NUDC: variants seen among roughly 807,000 people sequenced by gnomAD.
NUDC encodes nuclear migration protein nudC.
Under a neutral mutation model 45.0 loss-of-function variants are expected in NUDC, and 14 were observed. The observed-to-expected ratio is 0.31, with a 90% CI of 0.21 to 0.49. The LOEUF is 0.49. NUDC is among the 20% of genes least tolerant of loss of function. NUDC has a pLI of 0.99. For synonymous variants in NUDC, 153 were observed against 156.7 expected (o/e 0.98, Z 0.17); for missense variants, 323 against 426.2 (o/e 0.76, Z 2.13).
intron 1 of NUDC, among the ~76,000 whole-genome samples, chr1:26,923,547 T>C (rs768296621): frequency 2.6e-5 from 4 of 152,120 alleles, no homozygotes; most frequent in Non-Finnish European, 5.9e-5. Context: ...CTTGGCTCAC[T>C]GCAACCTCTG....
intron 6 of NUDC, among the ~76,000 whole-genome samples, chr1:26,944,302 G>A (rs749123977): frequency 6.6e-6 from 1 of 152,020 alleles, no homozygotes. Flanking sequence ...TTGACCTCCC[G>A]GGCTCAAACG....
intron 2 of NUDC, among the ~76,000 whole-genome samples, chr1:26,939,183 A>G (rs1570741864): frequency 6.6e-6 from 1 of 152,088 alleles, no homozygotes; most frequent in African/African-American, 2.4e-5. Flanking sequence ...TAGTAGAGAC[A>G]GGGTTTTACC....
At chr1:26,929,854 T>G (rs1477449967) in intron 2 of NUDC, 1 of 177,010 alleles carries the variant, frequency 5.6e-6, no homozygotes, top group Non-Finnish European at 1.2e-5. Context: ...TGAAACCCTG[T>G]CCCTACTAAA....
chr1:26,905,636 G>T (rs554172082), intron 2 of NUDC, among the ~76,000 whole-genome samples: 4 of 150,376 alleles, frequency 2.7e-5, no homozygotes, highest in Admixed American at 1.4e-4. Context: ...TTGCAGCCCC[G>T]AGTTCCCAGT....
At chr1:26,909,466 A>G (rs936676280) in intron 2 of NUDC, among the ~76,000 whole-genome samples, 28 of 152,144 alleles carry the variant, frequency 1.8e-4, no homozygotes, top group Non-Finnish European at 7.3e-5. Flanking sequence ...GGAAAAAATT[A>G]AATAAGTTGA....
intron 2 of NUDC, among the ~76,000 whole-genome samples, chr1:26,904,997 C>T (rs1053912560): frequency 5.4e-5 from 8 of 149,168 alleles, no homozygotes; most frequent in Non-Finnish European, 7.4e-5. Flanking sequence ...CCACCACGCC[C>T]GGCTAATTTT....
At chr1:26,922,099 C>T in intron 1 of NUDC, 170 bp downstream of exon 1, 2 of 693,498 alleles carry the variant, frequency 2.9e-6, no homozygotes, top group East Asian at 2.7e-5. Flanking sequence ...CAGGTCTCAC[C>T]CGGTTCGCAT....
intron 6 of NUDC, among the ~76,000 whole-genome samples, chr1:26,943,963 C>T (rs1234726396): frequency 1.3e-5 from 2 of 151,444 alleles, no homozygotes; most frequent in South Asian, 2.1e-4. Context: ...CTGCGAGCTC[C>T]GCCTCCTGGG....
At chr1:26,938,501 C>T (rs2082252203) in intron 2 of NUDC, among the ~76,000 whole-genome samples, 1 of 152,198 alleles carries the variant, frequency 6.6e-6, no homozygotes, top group South Asian at 2.1e-4. Context: ...ATTGTTTCTA[C>T]TGACAGCAGA....
intron 2 of NUDC, among the ~76,000 whole-genome samples, chr1:26,938,394 C>G (rs578228623): frequency 3.3e-5 from 5 of 152,168 alleles, no homozygotes; most frequent in Non-Finnish European, 7.3e-5. Context: ...CCTTTGGCCA[C>G]TGGTTGGCAA....
At chr1:26,927,015 C>A (rs2082138075) in intron 2 of NUDC, among the ~76,000 whole-genome samples, 1 of 152,078 alleles carries the variant, frequency 6.6e-6, no homozygotes, top group Admixed American at 6.6e-5. Flanking sequence ...TTTCATGGAT[C>A]TCACAGTGTA....
At chr1:26,918,965 A>G (rs537229818), upstream of NUDC, among the ~76,000 whole-genome samples, 56 of 151,722 alleles carry the variant, frequency 3.7e-4, no homozygotes, top group African/African-American at 1.2e-3. Flanking sequence ...TTTAGTAGAG[A>G]TGGTGTTTCA....
chr1:26,915,555 C>CCCTGG (rs1284092005), intron 3 of NUDC, among the ~76,000 whole-genome samples: 2 of 152,152 alleles, frequency 1.3e-5, no homozygotes, highest in Admixed American at 1.3e-4. Context: ...CAGCCTGGTG[C>CCCTGG]CCTGGATGGG....
upstream of NUDC, among the ~76,000 whole-genome samples, chr1:26,918,347 C>T (rs528811165): frequency 4.7e-4 from 70 of 149,716 alleles, no homozygotes; most frequent in Non-Finnish European, 9.8e-4. Flanking sequence ...AATCTCGGCT[C>T]ACTGCAACCT....
chr1:26,943,926 G>T (rs541849246), intron 6 of NUDC, among the ~76,000 whole-genome samples: 1 of 152,192 alleles, frequency 6.6e-6, no homozygotes, highest in South Asian at 2.1e-4. Flanking sequence ...CGCCCAGGCT[G>T]GAGTGCAGTG....
chr1:26,916,109 G>T (rs1055215707), intron 3 of NUDC, among the ~76,000 whole-genome samples: 1 of 152,008 alleles, frequency 6.6e-6, no homozygotes, highest in Non-Finnish European at 1.5e-5. Context: ...ATACACACTC[G>T]GTTACGGTGG....
In NUDC at chr1:26,921,785, G is replaced by A. The variant is rs1158634842; in HGVS notation, c.-64G>A. On this transcript the variant is annotated 5_prime_UTR_variant, in exon 1 of 9. Coordinates refer to ENST00000321265, the MANE Select transcript of NUDC (RefSeq NM_006600.4). ...AGAGTCGTTGGGCCCGGCGCGACCC[G>A]CAGGAGCGTAGAGAGCGCGGGACTA... 1 of 1,510,034 alleles carries A rather than the reference G, an allele frequency of 6.6e-7. No homozygotes were observed. Among genetic ancestry groups the A allele is most frequent in the Non-Finnish European group, 9.0e-7 (1 of 1,112,232 alleles). 93.5% of individuals were successfully genotyped at this position (1,510,034 alleles called of 1,614,324 possible).
intron 2 of NUDC, among the ~76,000 whole-genome samples, chr1:26,926,490 C>G (rs1484187892): frequency 6.6e-6 from 1 of 152,244 alleles, no homozygotes; most frequent in Admixed American, 6.5e-5. Flanking sequence ...ACTAACACCT[C>G]TGGCCTTTCT....
At chr1:26,942,345 A>G (rs953331033) in intron 4 of NUDC, among the ~76,000 whole-genome samples, 22 of 152,180 alleles carry the variant, frequency 1.4e-4, no homozygotes, top group African/African-American at 5.3e-4. Flanking sequence ...AAGAAAACCC[A>G]ATAGCCAGAG....
Sources: gnomAD v4.1 joint callset for allele counts (sites outside exome capture counted in the v4.1 genomes callset) on GRCh38, gnomAD v4.1.1 for gene constraint, MANE v1.5 for transcripts, NCBI Gene and HGNC (gene_info 2026-07-23, HGNC 2026-07-21) for gene names.